The following WTAP variants were observed in gnomAD, a reference collection of about 807,000 sequenced individuals.
WTAP encodes the protein pre-mRNA-splicing regulator WTAP.
WTAP carries 8 observed loss-of-function variants against 50.0 expected under a neutral mutation model. The observed-to-expected ratio is 0.16, with a 90% CI of 0.09 to 0.29. WTAP has a LOEUF of 0.29. WTAP is among the 10% of genes least tolerant of loss of function. The pLI is 1.00. For synonymous variants in WTAP, 194 were observed against 169.0 expected (o/e 1.15, Z -1.15); for missense variants, 295 against 470.7 (o/e 0.63, Z 3.45).
At position 159,755,749 on chromosome 6, in the gene WTAP, GTTT is replaced by G. The variant is rs1402868444; in HGVS notation, c.*146_*148del. 1 of 300,296 alleles carries G rather than the reference GTTT, an allele frequency of 3.3e-6. No individual in the cohort carries two copies. The highest frequency in any genetic ancestry group is 4.3e-6 in the Non-Finnish European group (1 of 234,356). The allele number at this position is 300,296 out of a possible 1,614,324, so 18.6% of individuals were successfully genotyped here. On this transcript the variant is annotated 3_prime_UTR_variant, in exon 8 of 8. Coordinates refer to ENST00000621533, the MANE Select transcript of WTAP (RefSeq NM_001270531.2). ...TTTTTTTTTGTTGTTTTTTTTCTTT[GTTT>G]TTTTTTTCTTTTCTTTTTTTTTTTT... is the stretch of plus-strand genomic sequence containing the variant.
chr6:159,728,832 T>C (rs1454255679), intron 1 of WTAP, among the ~76,000 whole-genome samples: 1 of 152,214 alleles, frequency 6.6e-6, no homozygotes, highest in Non-Finnish European at 1.5e-5. Flanking sequence ...TATGTTAAGG[T>C]ATCTTAAGCA....
At chr6:159,754,602 A>C (rs1002835897) in intron 7 of WTAP, among the ~76,000 whole-genome samples, 19 of 152,334 alleles carry the variant, frequency 1.2e-4, no homozygotes, top group African/African-American at 4.1e-4. Flanking sequence ...TCATATTTAC[A>C]TATAAACCTA....
chr6:159,746,994 T>C (rs1282185887), intron 5 of WTAP, among the ~76,000 whole-genome samples: 1 of 152,214 alleles, frequency 6.6e-6, no homozygotes, highest in Non-Finnish European at 1.5e-5. Flanking sequence ...CGCTCTGTTA[T>C]CTTAGCAGCT....
intron 6 of WTAP, among the ~76,000 whole-genome samples, chr6:159,753,154 C>G (rs941512574): frequency 6.6e-6 from 1 of 152,094 alleles, no homozygotes; most frequent in East Asian, 1.9e-4. Context: ...TTAACTGGCT[C>G]TGTTTCCATT....
Position 159,736,307 on chromosome 6 carries a change from G to GGTTTTGGGTTTTTTTGTTTT in WTAP, c.30+27_30+46dup. 1 of 1,596,074 alleles carries GGTTTTGGGTTTTTTTGTTTT rather than the reference G, an allele frequency of 6.3e-7. No individual in the cohort carries two copies. The highest frequency in any genetic ancestry group is 8.5e-7 in the Non-Finnish European group (1 of 1,170,828). On this transcript the variant is annotated intron_variant, in intron 2 of 7. Transcript: ENST00000621533. ...CTCTTCCCAAGAAGGTATGGGTTTTGGTTTTGGGTTTTTTTGTTTTGTTTT... is the reference window on the plus strand; with the variant it reads ...CTCTTCCCAAGAAGGTATGGGTTTTGGTTTTGGGTTTTTTTGTTTTGTTTTGGGTTTTTTTGTTTTGTTTT...
At chr6:159,753,375 G>A in intron 6 of WTAP, 85 bp from the exon 7 acceptor site, 1 of 1,557,770 alleles carries the variant, frequency 6.4e-7, no homozygotes, top group Non-Finnish European at 8.8e-7. Context: ...ATGTTTGTAT[G>A]TGTTACATCT....
chr6:159,753,172 A>G (rs7747055), intron 6 of WTAP, among the ~76,000 whole-genome samples: 5 of 152,230 alleles, frequency 3.3e-5, no homozygotes, highest in African/African-American at 1.2e-4. Context: ...ATTTCAAATG[A>G]TAATTTGAGA....
At chr6:159,735,063 G>A (rs1403511264) in intron 1 of WTAP, among the ~76,000 whole-genome samples, 2 of 152,168 alleles carry the variant, frequency 1.3e-5, no homozygotes, top group Non-Finnish European at 2.9e-5. Context: ...AGCTAATTTT[G>A]AGATACAAAA....
chr6:159,732,886 A>ATATAGTGTGT (rs146623701), intron 1 of WTAP, among the ~76,000 whole-genome samples: 8 of 146,488 alleles, frequency 5.5e-5, no homozygotes, highest in African/African-American at 2.1e-4. Context: ...ATATATATAT[A>ATATAGTGTGT]GTGTGTGTGT....
At chr6:159,729,284 G>A (rs1046619563) in intron 1 of WTAP, among the ~76,000 whole-genome samples, 1 of 152,206 alleles carries the variant, frequency 6.6e-6, no homozygotes, top group Non-Finnish European at 1.5e-5. Context: ...GAAGACTGAA[G>A]ATAGTATTTT....
At chr6:159,745,583 A>G (rs911012825) in intron 5 of WTAP, among the ~76,000 whole-genome samples, 2 of 152,170 alleles carry the variant, frequency 1.3e-5, no homozygotes, top group African/African-American at 4.8e-5. Flanking sequence ...TATATATGGC[A>G]GATGAGGATA....
chr6:159,740,048 C>T (rs1274406674), intron 3 of WTAP, among the ~76,000 whole-genome samples: 1 of 151,836 alleles, frequency 6.6e-6, no homozygotes, highest in Non-Finnish European at 1.5e-5. Flanking sequence ...AGGTGAGGTG[C>T]TGCTCAGGCT....
chr6:159,727,379 G>GAGGCGGGAGGCGGGAGGCGA, upstream of WTAP: 3 of 1,128,332 alleles, frequency 2.7e-6, 1 homozygote, highest in Admixed American at 5.6e-5. Context: ...GAGGCTGGCG[G>GAGGCGGGAGGCGGGAGGCGA]GAGGCGGGAG....
chr6:159,749,912 C>CT (rs1049508841), intron 6 of WTAP, among the ~76,000 whole-genome samples: 33 of 152,250 alleles, frequency 2.2e-4, no homozygotes, highest in Admixed American at 1.8e-3. Context: ...ATAATGGAGT[C>CT]TAAGATGAGT....
intron 5 of WTAP, among the ~76,000 whole-genome samples, chr6:159,747,962 A>G (rs1052904707): frequency 6.6e-6 from 1 of 152,188 alleles, no homozygotes. Flanking sequence ...ATGTTTCAAT[A>G]CATATAATGT....
intron 1 of WTAP, among the ~76,000 whole-genome samples, chr6:159,728,975 A>G (rs901686731): frequency 1.3e-5 from 2 of 152,208 alleles, no homozygotes; most frequent in East Asian, 1.9e-4. Context: ...TTATTTTTAC[A>G]TGGCTCTTTT....
At chr6:159,745,637 C>T (rs1779530637) in intron 5 of WTAP, among the ~76,000 whole-genome samples, 1 of 152,006 alleles carries the variant, frequency 6.6e-6, no homozygotes. Flanking sequence ...AGCCTGGAAT[C>T]TTGGGTATTC....
intron 5 of WTAP, chr6:159,745,312 A>G (rs764334487): frequency 5.5e-4 from 84 of 152,190 alleles, no homozygotes; most frequent in African/African-American, 2.0e-3. Flanking sequence ...CATCTGTCCT[A>G]TATGCGCTGG....
At position 159,755,950 on chromosome 6, in the gene WTAP, ATCTG is replaced by A. The variant is rs756838239; in HGVS notation, c.*345_*348del. 8.6e-4 allele frequency: 186 copies of A among 216,380 alleles called. No homozygotes were observed. The highest frequency in any genetic ancestry group is 2.6e-3 in the East Asian group (20 of 7,750). 13.4% of individuals were successfully genotyped at this position (216,380 alleles called of 1,614,324 possible). A position where few individuals can be genotyped will look rare whatever the true frequency, so the allele number is the denominator to read the frequency against. On this transcript the variant is annotated 3_prime_UTR_variant, in exon 8 of 8. Transcript: ENST00000621533. Reference sequence around the variant, plus strand: ...ATACAACACAATGATGTCTGTATAAATCTGTCTGTTTAGAATCTGTGCTGTGTAA... The same window carrying A: ...ATACAACACAATGATGTCTGTATAAATCTGTTTAGAATCTGTGCTGTGTAA...
Sources: gnomAD v4.1 joint callset for allele counts (sites outside exome capture counted in the v4.1 genomes callset) on GRCh38, gnomAD v4.1.1 for gene constraint, MANE v1.5 for transcripts, NCBI Gene and HGNC (gene_info 2026-07-23, HGNC 2026-07-21) for gene names.